Variants in FNTB observed in about 807,000 individuals in gnomAD.
FNTB encodes protein farnesyltransferase subunit beta.
A neutral mutation model predicts 59.4 loss-of-function variants in FNTB; 27 were observed. The ratio of observed to expected loss-of-function variants is 0.45; its 90% CI spans 0.34 to 0.63. FNTB has a LOEUF of 0.63. FNTB is among the 20% of genes least tolerant of loss of function. FNTB has a pLI of 0.02. For missense variants in FNTB, 449 were observed against 559.6 expected (o/e 0.80, Z 1.99); for synonymous variants, 230 against 220.7 (o/e 1.04, Z -0.37).
chr14:65,059,977 ACACT>A (rs2062824677), intron 11 of FNTB, among the ~76,000 whole-genome samples: 1 of 151,134 alleles, frequency 6.6e-6, no homozygotes, highest in Non-Finnish European at 1.5e-5. Flanking sequence ...GGGATTACAG[ACACT>A]CACCATCATG....
intron 10 of FNTB, among the ~76,000 whole-genome samples, chr14:65,053,649 T>A (rs369931013): frequency 9.4e-4 from 125 of 133,070 alleles, no homozygotes; most frequent in African/African-American, 4.4e-3. Context: ...AAAAAACTGA[T>A]CTAAATAGAA....
chr14:65,058,821 C>T (rs1226759216), intron 11 of FNTB, among the ~76,000 whole-genome samples: 1 of 152,072 alleles, frequency 6.6e-6, no homozygotes, highest in Non-Finnish European at 1.5e-5. Context: ...GTGTCTGTGT[C>T]TGTGTGTTTT....
chr14:65,040,285 A>ATATATATGTATATATATGTGTG (rs1555336293), intron 7 of FNTB, among the ~76,000 whole-genome samples: 4 of 145,144 alleles, frequency 2.8e-5, no homozygotes, highest in African/African-American at 8.0e-5. Context: ...ATATGTGTGT[A>ATATATATGTATATATATGTGTG]TATATATATA....
chr14:64,987,289 G>A, intron 1 of FNTB, 192 bp downstream of exon 1: 1 of 639,334 alleles, frequency 1.6e-6, no homozygotes, highest in Non-Finnish European at 2.7e-6. Context: ...CGGCCAGCTT[G>A]GGGAAGGGTC....
intron 8 of FNTB, among the ~76,000 whole-genome samples, chr14:65,042,943 T>C (rs2062385153): frequency 6.6e-6 from 1 of 152,202 alleles, no homozygotes; most frequent in Non-Finnish European, 1.5e-5. Context: ...TCTGTCTCTT[T>C]TAAGCATTTG....
At position 65,054,678 on chromosome 14, in the gene FNTB, G is replaced by A. The variant is rs767077504; in HGVS notation, c.1171G>A (p.Glu391Lys). ...GCATGATGTGGTCCTGGGTGTGCCC[G>A]AAAACGCTCTGGTAAGACGGGTGCA... is the stretch of plus-strand genomic sequence containing the variant. ...MLHDVVLGVP[E>K]NALQPTHPVY... Residue 391 changes from glutamate (E) to lysine (K), a missense_variant, in exon 11 of 12, where the codon GAA becomes AAA. Physicochemically the swap from Glu to Lys is moderately conservative, Grantham distance 56. This residue lies in a region of FNTB where 337 missense variants were observed against 479.1 expected (regional missense o/e 0.70). Transcript: ENST00000246166. The surrounding 1 kb of genome is among the most constrained non-coding windows in gnomAD (Gnocchi z 4.4). 14 of 1,610,056 alleles carry A rather than the reference G, an allele frequency of 8.7e-6. No homozygotes were observed. The highest frequency in any genetic ancestry group is 5.3e-5 in the African/African-American group (4 of 74,804).
At position 64,997,890 on chromosome 14, in the gene FNTB, C is replaced by T. The variant is rs1402608851; in HGVS notation, c.145-6359C>T. On this transcript the variant is annotated intron_variant, in intron 1 of 11. Transcript: ENST00000246166. The surrounding 1 kb of genome is among the most constrained non-coding windows in gnomAD (Gnocchi z 4.5). ...TCCCTTACAAATGAGGTAACTTCTA[C>T]TCTGTTTTCAGAGCTTTTCCTTTGT... 6.6e-6 allele frequency among the ~76,000 whole-genome samples: 1 copy of T among 152,184 alleles called. No individual in the cohort carries two copies. The highest frequency in any genetic ancestry group is 1.5e-5 in the Non-Finnish European group (1 of 68,042).
In FNTB at chr14:65,044,242, G is replaced by A. The variant is rs2062425637; in HGVS notation, c.823-69G>A. On this transcript the variant is annotated intron_variant, in intron 8 of 11. Coordinates refer to ENST00000246166, the MANE Select transcript of FNTB (RefSeq NM_002028.4). This position sits in a 1 kb window ranked among gnomAD's most constrained non-coding sequence, Gnocchi z 5.5. The stretch of plus-strand genomic sequence containing the variant: ...CCCTCCATCCCACAGATTGACTCCT[G>A]GAGATTCTGTCGGGCTGGATTTTGT... 3.2e-5 allele frequency: 52 copies of A among 1,608,236 alleles called. No homozygotes were observed. The highest frequency in any genetic ancestry group is 4.2e-5 in the Non-Finnish European group (49 of 1,177,774).
At chr14:65,024,565 A>G (rs72625658) in intron 4 of FNTB, among the ~76,000 whole-genome samples, 16,408 of 152,216 alleles carry the variant, frequency 0.11, 1,179 homozygotes, top group East Asian at 0.3. Flanking sequence ...CTTTGCTGGT[A>G]ATTGGCACGT....
Position 65,054,115 on chromosome 14 carries a change from T to C in FNTB, c.1068-460T>C, listed in dbSNP as rs1007615261. Reference sequence around the variant, plus strand: ...CTGGAGGATGGGGCTTTTATTTTATTGTATTTTACTTTTTTGAGACAGGGT... The same window carrying C: ...CTGGAGGATGGGGCTTTTATTTTATCGTATTTTACTTTTTTGAGACAGGGT... On this transcript the variant is annotated intron_variant, in intron 10 of 11. Transcript: ENST00000246166. This position sits in a 1 kb window ranked among gnomAD's most constrained non-coding sequence, Gnocchi z 4.4. Among the ~76,000 whole-genome samples the C allele has an allele frequency of 6.6e-6, 1 of 152,038 alleles. No homozygotes were observed. The highest frequency in any genetic ancestry group is 1.5e-5 in the Non-Finnish European group (1 of 68,000).
intron 7 of FNTB, among the ~76,000 whole-genome samples, chr14:65,033,402 C>G (rs2062123996): frequency 6.6e-6 from 1 of 152,034 alleles, no homozygotes; most frequent in Non-Finnish European, 1.5e-5. Flanking sequence ...GAGGGGAGAG[C>G]AAAGGAAATG....
intron 1 of FNTB, 130 bp downstream of exon 1, chr14:64,987,227 C>T: frequency 2.7e-6 from 3 of 1,125,786 alleles, no homozygotes; most frequent in Admixed American, 2.4e-5. Context: ...GGTGCCTTTC[C>T]TCTGGGAAGC....
Position 65,012,466 on chromosome 14 carries a change from G to T in FNTB, c.282+77G>T. On this transcript the variant is annotated intron_variant, in intron 3 of 11. Transcript: ENST00000246166. This position sits in a 1 kb window ranked among gnomAD's most constrained non-coding sequence, Gnocchi z 5.0. ...CTCCTTTTTCTATTTAAACGTAAAA[G>T]ACTGTTGGGGCTGACCTGTTGCAGA... 5 of 1,578,132 alleles carry T rather than the reference G, an allele frequency of 3.2e-6. No individual in the cohort carries two copies. Among genetic ancestry groups the T allele is most frequent in the Non-Finnish European group, 4.3e-6 (5 of 1,154,608 alleles).
intron 9 of FNTB, among the ~76,000 whole-genome samples, chr14:65,050,428 TA>T (rs2062580362): frequency 6.6e-6 from 1 of 152,122 alleles, no homozygotes; most frequent in African/African-American, 2.4e-5. Context: ...CTGTCTCTAC[TA>T]AAAATGCAAA....
intron 1 of FNTB, among the ~76,000 whole-genome samples, chr14:64,989,576 T>A (rs1459741648): frequency 6.6e-6 from 1 of 152,162 alleles, no homozygotes; most frequent in Non-Finnish European, 1.5e-5. Context: ...ACCTGCTTCC[T>A]ATCTGATTAT....
intron 7 of FNTB, among the ~76,000 whole-genome samples, chr14:65,037,205 G>C (rs2062212347): frequency 6.6e-6 from 1 of 151,020 alleles, no homozygotes; most frequent in African/African-American, 2.4e-5. Flanking sequence ...TCAGGTTCCA[G>C]CAATTCTCCT....
chr14:65,009,465 G>A lies in FNTB; in HGVS notation c.210-2852G>A, dbSNP rs2061651811. On this transcript the variant is annotated intron_variant, in intron 2 of 11. Transcript: ENST00000246166. This position sits in a 1 kb window ranked among gnomAD's most constrained non-coding sequence, Gnocchi z 4.2. ...TTGACTCCTAGTTCCTGAGAAAATCGAGGCTGACCCACCTGACTTTCCTGT... is the reference window on the plus strand; with the variant it reads ...TTGACTCCTAGTTCCTGAGAAAATCAAGGCTGACCCACCTGACTTTCCTGT... 6.6e-6 allele frequency among the ~76,000 whole-genome samples: 1 copy of A among 151,986 alleles called. No homozygotes were observed. The highest frequency in any genetic ancestry group is 6.6e-5 in the Admixed American group (1 of 15,256).
In FNTB at chr14:65,012,944, AT is replaced by A. The variant is rs2139514041; in HGVS notation, c.282+557del. 6.6e-6 allele frequency among the ~76,000 whole-genome samples: 1 copy of A among 152,306 alleles called. No individual in the cohort carries two copies. The highest frequency in any genetic ancestry group is 1.9e-4 in the East Asian group (1 of 5,192). On this transcript the variant is annotated intron_variant, in intron 3 of 11. Coordinates refer to ENST00000246166, the MANE Select transcript of FNTB (RefSeq NM_002028.4). This position sits in a 1 kb window ranked among gnomAD's most constrained non-coding sequence, Gnocchi z 5.0. ...TAGAGAGTGGTCCTTGCAATTTAACATTACTGTTTAAGAGTAGATCTTTAAT... is the reference window on the plus strand; with the variant it reads ...TAGAGAGTGGTCCTTGCAATTTAACATACTGTTTAAGAGTAGATCTTTAAT...
Position 65,044,654 on chromosome 14 carries a change from A to G in FNTB, c.955+211A>G. 1.3e-6 allele frequency: 1 copy of G among 746,548 alleles called. No homozygotes were observed. Among genetic ancestry groups the G allele is most frequent in the East Asian group, 3.4e-5 (1 of 29,364 alleles). The allele number at this position is 746,548 out of a possible 1,614,324, so 46.2% of individuals were successfully genotyped here. On this transcript the variant is annotated intron_variant, in intron 9 of 11. Transcript: ENST00000246166. This position sits in a 1 kb window ranked among gnomAD's most constrained non-coding sequence, Gnocchi z 5.5. Reference sequence around the variant, plus strand: ...TTTAGTGTCATTCTTTGCTTCTTCAAATTGGCTGCGACAGAATGAGCTTCC... The same window carrying G: ...TTTAGTGTCATTCTTTGCTTCTTCAGATTGGCTGCGACAGAATGAGCTTCC...
Sources: gnomAD v4.1 joint callset for allele counts (sites outside exome capture counted in the v4.1 genomes callset) on GRCh38, gnomAD v4.1.1 for gene constraint, gnomAD v4.1.1 regional missense constraint, Gnocchi (gnomAD v3.1) non-coding constraint, MANE v1.5 for transcripts, NCBI Gene and HGNC (gene_info 2026-07-23, HGNC 2026-07-21) for gene names.